Variants in APBA2 observed in about 807,000 individuals in gnomAD.
APBA2 encodes the protein amyloid-beta A4 precursor protein-binding family A member 2.
In APBA2, 30 loss-of-function variants were observed where a neutral mutation model predicts 75.0. The observed-to-expected ratio is 0.40, with a 90% CI of 0.30 to 0.54. APBA2 has a LOEUF of 0.54. APBA2 is among the 20% of genes least tolerant of loss of function. The probability of loss-of-function intolerance (pLI) is 0.49; values close to 1 mark genes in which losing one functional copy is unlikely to be tolerated. For synonymous variants in APBA2, 444 were observed against 409.6 expected (o/e 1.08, Z -1.01); for missense variants, 801 against 1,016.1 (o/e 0.79, Z 2.88).
At position 29,117,302 on chromosome 15, in the gene APBA2, A is replaced by G; in HGVS notation, c.*169A>G. ...CACTTGATTTTTTTCATTTTGCCAA[A>G]AAGGGGTATGTCTTTATCAAAGGAG... On this transcript the variant is annotated 3_prime_UTR_variant, in exon 15 of 15. Transcript: ENST00000683413. 3.2e-6 allele frequency: 2 copies of G among 633,658 alleles called. No individual in the cohort carries two copies. Among genetic ancestry groups the G allele is most frequent in the Non-Finnish European group, 5.6e-6 (2 of 356,820 alleles). 39.3% of individuals were successfully genotyped at this position (633,658 alleles called of 1,614,324 possible).
chr15:29,074,507 G>C (rs528919470), intron 4 of APBA2, among the ~76,000 whole-genome samples: 35 of 152,272 alleles, frequency 2.3e-4, no homozygotes, highest in African/African-American at 4.8e-4. Context: ...TGGGGTTGGG[G>C]TTGGGCATAT....
chr15:28,914,075 A>G (rs897855797), intron 1 of APBA2, among the ~76,000 whole-genome samples: 4 of 152,330 alleles, frequency 2.6e-5, no homozygotes, highest in East Asian at 3.9e-4. Context: ...TTAGTCTTCT[A>G]TTGTGTCTAG....
chr15:28,891,328 C>G (rs917245494), intron 1 of APBA2, among the ~76,000 whole-genome samples: 17 of 152,182 alleles, frequency 1.1e-4, no homozygotes, highest in African/African-American at 3.9e-4. Flanking sequence ...GCCTTTGAGC[C>G]TGAGCTGGAG....
At chr15:28,935,179 A>G (rs6493239) in intron 2 of APBA2, among the ~76,000 whole-genome samples, 48,098 of 152,140 alleles carry the variant, frequency 0.32, 12,646 homozygotes, top group African/African-American at 0.7. Flanking sequence ...GATACTCCCT[A>G]AATCACAGGT....
chr15:29,107,072 G>A (rs1196055592), intron 12 of APBA2, among the ~76,000 whole-genome samples: 2 of 152,176 alleles, frequency 1.3e-5, no homozygotes, highest in South Asian at 2.1e-4. Flanking sequence ...GCCCTGTACC[G>A]AGCCATGTGG....
At chr15:28,964,488 A>AT (rs34136396) in intron 2 of APBA2, among the ~76,000 whole-genome samples, 4,896 of 138,106 alleles carry the variant, frequency 0.035, 260 homozygotes, top group African/African-American at 0.11. Flanking sequence ...ACTTTTGCTC[A>AT]TTTTTTTTTT....
chr15:29,078,856 A>C (rs2042966703), intron 6 of APBA2, among the ~76,000 whole-genome samples: 1 of 152,186 alleles, frequency 6.6e-6, no homozygotes, highest in East Asian at 1.9e-4. Context: ...GACATTAGGA[A>C]AGCAAAGGTT....
chr15:29,003,060 G>A (rs969351514), intron 3 of APBA2, among the ~76,000 whole-genome samples: 4 of 152,260 alleles, frequency 2.6e-5, no homozygotes, highest in Admixed American at 2.6e-4. Flanking sequence ...GAGGAGCTAG[G>A]GGGTGAGGTA....
At position 28,933,388 on chromosome 15, in the gene APBA2, G is replaced by T. The variant is rs533034254; in HGVS notation, c.-95+11639G>T. Among the ~76,000 whole-genome samples the T allele has an allele frequency of 2.6e-5, 4 of 152,270 alleles. No homozygotes were observed. The South Asian group carries it at 8.3e-4, about 32-fold the overall frequency. The stretch of plus-strand genomic sequence containing the variant: ...CTGCCGTCTCTGAGCCATCACGCAG[G>T]TACTCACCAGGCACGGAATCTGCTG... On this transcript the variant is annotated intron_variant, in intron 2 of 14. Coordinates refer to ENST00000683413, the MANE Select transcript of APBA2 (RefSeq NM_001353788.2).
intron 2 of APBA2, among the ~76,000 whole-genome samples, chr15:28,974,732 G>A (rs1360301890): frequency 1.3e-5 from 2 of 152,094 alleles, no homozygotes; most frequent in Non-Finnish European, 2.9e-5. Flanking sequence ...CATAATTTTT[G>A]AATTTGACGA....
At chr15:29,116,585 A>G (rs561574015) in intron 14 of APBA2, among the ~76,000 whole-genome samples, 12 of 148,884 alleles carry the variant, frequency 8.1e-5, no homozygotes, top group African/African-American at 2.0e-4. Flanking sequence ...CCGAGATTGC[A>G]CCACTGCACT....
chr15:29,080,402 G>C (rs1014217951), intron 6 of APBA2, among the ~76,000 whole-genome samples: 2 of 152,144 alleles, frequency 1.3e-5, no homozygotes, highest in Admixed American at 1.3e-4. Flanking sequence ...GAGTTCAGTG[G>C]AGGGGAGCGT....
At chr15:29,066,127 G>T (rs1470503224) in intron 4 of APBA2, among the ~76,000 whole-genome samples, 5 of 152,062 alleles carry the variant, frequency 3.3e-5, no homozygotes, top group Admixed American at 1.3e-4. Context: ...ATTCATTGCG[G>T]CCCCAGTTAT....
chr15:29,006,519 G>A (rs549251386), intron 3 of APBA2, among the ~76,000 whole-genome samples: 2 of 152,154 alleles, frequency 1.3e-5, no homozygotes, highest in East Asian at 1.9e-4. Context: ...AGACATACTC[G>A]AGACTGGGTA....
chr15:28,974,733 A>G lies in APBA2; in HGVS notation c.-94-21020A>G, dbSNP rs554968775. On this transcript the variant is annotated intron_variant, in intron 2 of 14. Transcript: ENST00000683413. ...ACACAAACCAAGTGCATAATTTTTG[A>G]ATTTGACGATAATTAAAATATATCA... Among the ~76,000 whole-genome samples the G allele has an allele frequency of 1.4e-4, 21 of 152,338 alleles. No individual in the cohort carries two copies. In the South Asian group the frequency reaches 4.4e-3, roughly 32 times the overall value.
intron 1 of APBA2, among the ~76,000 whole-genome samples, chr15:28,916,067 C>G (rs1429273254): frequency 6.6e-6 from 1 of 152,224 alleles, no homozygotes; most frequent in African/African-American, 2.4e-5. Flanking sequence ...TTAATACTGC[C>G]CCCGCCTGCG....
rs144160238 is a variant in APBA2, at chr15:28,978,601, C to T, written c.-94-17152C>T. Among the ~76,000 whole-genome samples, 747 of 152,320 alleles carry T rather than the reference C, an allele frequency of 4.9e-3. 7 individuals carry two copies. The highest frequency in any genetic ancestry group is 0.034 in the South Asian group (162 of 4,822). Reference sequence around the variant, plus strand: ...TAAAAGGGGGAATCTTTCTTCCCCACCTTTCTTTAAATCATAGAGCTATTG... The same window carrying T: ...TAAAAGGGGGAATCTTTCTTCCCCATCTTTCTTTAAATCATAGAGCTATTG... On this transcript the variant is annotated intron_variant, in intron 2 of 14. Coordinates refer to ENST00000683413, the MANE Select transcript of APBA2 (RefSeq NM_001353788.2).
chr15:29,055,055 T>C (rs2041819320), intron 4 of APBA2, among the ~76,000 whole-genome samples: 1 of 152,194 alleles, frequency 6.6e-6, no homozygotes, highest in Admixed American at 6.5e-5. Context: ...CTAAAGCCGG[T>C]TGAGGGCTGA....
chr15:29,055,668 AGTGTGTGTGTGTGTGTGT>A (rs57671107), intron 4 of APBA2, among the ~76,000 whole-genome samples: 11 of 127,534 alleles, frequency 8.6e-5, no homozygotes, highest in Admixed American at 2.3e-4. Flanking sequence ...CATGAATTTG[AGTGTGTGTGTGTGTGTGT>A]GTGTGTGTGT....
Sources: allele counts gnomAD v4.1 joint callset (sites outside exome capture counted in the v4.1 genomes callset), GRCh38; gene constraint gnomAD v4.1.1; transcripts MANE v1.5; gene names NCBI Gene and HGNC (gene_info 2026-07-23, HGNC 2026-07-21).